The following NME8 variants were observed in gnomAD, a reference collection of about 807,000 sequenced individuals.
The protein encoded by NME8 is protein NME8.
NME8 carries 72 observed loss-of-function variants against 82.3 expected under a neutral mutation model. That is an observed-to-expected ratio of 0.87 (90% CI 0.72 to 1.06). NME8 has a LOEUF of 1.06. Among genes scored for constraint, NME8 ranks in the 50% least tolerant of loss-of-function variants. The pLI, the probability that NME8 is intolerant of heterozygous loss-of-function variation, is 0.00. For synonymous variants in NME8, 267 were observed against 228.5 expected (o/e 1.17, Z -1.52); for missense variants, 712 against 685.4 (o/e 1.04, Z -0.43).
chr7:37,850,374 G>C lies in NME8; in HGVS notation c.34-4G>C. On this transcript the variant is annotated splice_polypyrimidine_tract_variant and splice_region_variant and intron_variant, in intron 3 of 17. Transcript: ENST00000199447. The stretch of plus-strand genomic sequence containing the variant: ...TACCTTTTACAGTGCCTTCCACTTT[G>C]CAGACAGTCATCAATAATCAAAGCC... 2 of 1,614,102 alleles carry C rather than the reference G, an allele frequency of 1.2e-6. No individual in the cohort carries two copies. Among genetic ancestry groups the C allele is most frequent in the Non-Finnish European group, 1.7e-6 (2 of 1,179,980 alleles).
chr7:37,877,581 C>G (rs1022356879), intron 12 of NME8, among the ~76,000 whole-genome samples: 2 of 152,114 alleles, frequency 1.3e-5, no homozygotes, highest in Non-Finnish European at 2.9e-5. Context: ...CTTTTATTCT[C>G]TGACTTGTCC....
intron 15 of NME8, among the ~76,000 whole-genome samples, chr7:37,890,432 T>A (rs1214008777): frequency 6.6e-6 from 1 of 151,982 alleles, no homozygotes; most frequent in Non-Finnish European, 1.5e-5. Flanking sequence ...AACTTTATCA[T>A]TTCTTTGTGG....
rs1273553790 is a variant in NME8 at position 37,882,613 on chromosome 7, G to GAGAGAGAGAAAGAA, written c.995-1687_995-1686insGAGAGAAAGAAAGA. Among the ~76,000 whole-genome samples, 84 of 85,100 alleles carry GAGAGAGAGAAAGAA rather than the reference G, an allele frequency of 9.9e-4. 3 individuals are homozygous for GAGAGAGAGAAAGAA. The highest frequency in any genetic ancestry group is 1.7e-3 in the Admixed American group (15 of 8,816). 55.8% of individuals were successfully genotyped at this position (85,100 alleles called of 152,430 possible). A position where few individuals can be genotyped will look rare whatever the true frequency, so the allele number is the denominator to read the frequency against. ...AAAGAAAGAAAGAGAGAGAGAGAGA[G>GAGAGAGAGAAAGAA]AGAAAGAAAGAAAGAAAGAAAGAAA... On this transcript the variant is annotated intron_variant, in intron 12 of 17. Transcript: ENST00000199447.
chr7:37,892,179 T>C (rs1785138747), intron 15 of NME8, among the ~76,000 whole-genome samples: 1 of 152,006 alleles, frequency 6.6e-6, no homozygotes, highest in African/African-American at 2.4e-5. Flanking sequence ...GTTTCTCAAG[T>C]CTAGTAGTTT....
At chr7:37,865,732 T>C in intron 10 of NME8, 115 bp downstream of exon 10, 1 of 714,464 alleles carries the variant, frequency 1.4e-6, no homozygotes, top group Admixed American at 2.1e-5. Flanking sequence ...TAAAATAAGC[T>C]CCTGGTGTCC....
intron 11 of NME8, among the ~76,000 whole-genome samples, chr7:37,874,293 CTTCTAGA>C (rs1317893626): frequency 2.0e-5 from 3 of 152,098 alleles, no homozygotes; most frequent in African/African-American, 7.2e-5. Flanking sequence ...GAAGAAAATT[CTTCTAGA>C]TTCTAAATTA....
At chr7:37,880,154 G>T (rs1784920620) in intron 12 of NME8, among the ~76,000 whole-genome samples, 1 of 151,610 alleles carries the variant, frequency 6.6e-6, no homozygotes, top group Non-Finnish European at 1.5e-5. Context: ...CCAAGTTTTT[G>T]GTTCTTGGTT....
At chr7:37,877,805 G>T (rs1253806532) in intron 12 of NME8, among the ~76,000 whole-genome samples, 1 of 151,918 alleles carries the variant, frequency 6.6e-6, no homozygotes, top group Non-Finnish European at 1.5e-5. Flanking sequence ...CTTCCCCTCT[G>T]CCCCACCTCT....
chr7:37,861,085 C>A (rs1015892337), intron 6 of NME8, among the ~76,000 whole-genome samples: 2 of 152,282 alleles, frequency 1.3e-5, no homozygotes, highest in South Asian at 2.1e-4. Flanking sequence ...CTTTTGCTCC[C>A]CCCAGCATTT....
chr7:37,891,417 G>C (rs2131972848), intron 15 of NME8, among the ~76,000 whole-genome samples: 1 of 151,770 alleles, frequency 6.6e-6, no homozygotes, highest in East Asian at 1.9e-4. Flanking sequence ...GGTCTTACAG[G>C]AAAAAAATTT....
At chr7:37,874,712 A>T (rs1490182809) in intron 11 of NME8, among the ~76,000 whole-genome samples, 2 of 152,222 alleles carry the variant, frequency 1.3e-5, no homozygotes, top group African/African-American at 4.8e-5. Flanking sequence ...GAAAAGGTTA[A>T]TTTTCCCGTC....
At chr7:37,883,969 ACACACACACACACACACC>A (rs1322567140) in intron 12 of NME8, among the ~76,000 whole-genome samples, 1 of 151,086 alleles carries the variant, frequency 6.6e-6, no homozygotes, top group Non-Finnish European at 1.5e-5. Flanking sequence ...GTCTACACAC[ACACACACACACACACACC>A]CACACAATCA....
chr7:37,872,791 A>G (rs1175739371), intron 11 of NME8, among the ~76,000 whole-genome samples: 1 of 152,086 alleles, frequency 6.6e-6, no homozygotes, highest in Non-Finnish European at 1.5e-5. Context: ...TCAACAAATA[A>G]TGGGGGAATT....
chr7:37,866,261 C>G (rs1322535761), intron 10 of NME8, among the ~76,000 whole-genome samples: 3 of 151,992 alleles, frequency 2.0e-5, no homozygotes, highest in African/African-American at 7.2e-5. Flanking sequence ...GTTGCACTAG[C>G]CACATTTTAA....
chr7:37,868,801 G>A (rs1292631900), intron 11 of NME8, among the ~76,000 whole-genome samples: 1 of 152,240 alleles, frequency 6.6e-6, no homozygotes, highest in East Asian at 1.9e-4. Context: ...ATGGTTTGTG[G>A]TTACAAATTA....
intron 14 of NME8, among the ~76,000 whole-genome samples, chr7:37,887,231 G>T (rs912678522): frequency 3.3e-5 from 5 of 152,140 alleles, no homozygotes; most frequent in African/African-American, 1.2e-4. Flanking sequence ...AATGTGGATG[G>T]TCTGGTATTA....
chr7:37,857,355 T>G lies in NME8; in HGVS notation c.270+10T>G. On this transcript the variant is annotated intron_variant, in intron 6 of 17. Coordinates refer to ENST00000199447, the MANE Select transcript of NME8 (RefSeq NM_016616.5). The stretch of plus-strand genomic sequence containing the variant: ...TTTTCTCTTTAGTGTTGTAAGTATA[T>G]TTACTTTCTCAATTGCATTATCAGA... The G allele has an allele frequency of 6.4e-7, 1 of 1,566,162 alleles. No individual in the cohort carries two copies. Among genetic ancestry groups the G allele is most frequent in the Non-Finnish European group, 8.8e-7 (1 of 1,137,324 alleles).
chr7:37,864,486 CA>C, intron 9 of NME8, 65 bp downstream of exon 9: 1 of 1,425,200 alleles, frequency 7.0e-7, no homozygotes, highest in Non-Finnish European at 9.6e-7. Context: ...ATCGTCAGTT[CA>C]AAGACAAGCG....
chr7:37,882,733 T>C (rs540676590), intron 12 of NME8, among the ~76,000 whole-genome samples: 1 of 152,134 alleles, frequency 6.6e-6, no homozygotes, highest in Non-Finnish European at 1.5e-5. Flanking sequence ...GGTTATTCCA[T>C]GAAACTTCTA....
Sources: gnomAD v4.1 joint callset for allele counts (sites outside exome capture counted in the v4.1 genomes callset) on GRCh38, gnomAD v4.1.1 for gene constraint, MANE v1.5 for transcripts, NCBI Gene and HGNC (gene_info 2026-07-23, HGNC 2026-07-21) for gene names.